FOCAD: variants seen among roughly 807,000 people sequenced by gnomAD.
FOCAD encodes focadhesin, also known as KIAA1797.
Under a neutral mutation model 225.6 loss-of-function variants are expected in FOCAD, and 198 were observed. The ratio of observed to expected loss-of-function variants is 0.88; its 90% CI spans 0.78 to 0.99. The LOEUF is 0.99. Ranked by LOEUF, FOCAD falls within the 50% of genes least tolerant of loss-of-function variation. The pLI is 0.00. For missense variants in FOCAD, 2,713 were observed against 2,123.6 expected, an observed-to-expected ratio of 1.28 and a Z score of -5.46; for synonymous variants, 897 against 755.0, an observed-to-expected ratio of 1.19 and a Z score of -3.08.
chr9:20,970,001 T>TG (rs2132533019), intron 35 of FOCAD, among the ~76,000 whole-genome samples: 1 of 151,760 alleles, frequency 6.6e-6, no homozygotes, highest in East Asian at 1.9e-4. Flanking sequence ...GTTTTTTTTT[T>TG]TTCTTTCAGT....
At chr9:20,963,872 C>T (rs1197424106) in intron 35 of FOCAD, among the ~76,000 whole-genome samples, 1 of 152,122 alleles carries the variant, frequency 6.6e-6, no homozygotes, top group Non-Finnish European at 1.5e-5. Flanking sequence ...AGTTATTACA[C>T]CTGATTTTGC....
At chr9:20,925,229 T>C (rs1269365141) in intron 25 of FOCAD, among the ~76,000 whole-genome samples, 1 of 152,254 alleles carries the variant, frequency 6.6e-6, no homozygotes, top group East Asian at 1.9e-4. Context: ...CCATGGAATA[T>C]TTTAGCAGAG....
At chr9:20,817,641 A>G (rs908605641) in intron 11 of FOCAD, among the ~76,000 whole-genome samples, 5 of 141,680 alleles carry the variant, frequency 3.5e-5, no homozygotes, top group African/African-American at 1.3e-4. Context: ...AGATCATATA[A>G]CATGAGGCCT....
intron 23 of FOCAD, 112 bp downstream of exon 23, chr9:20,913,066 C>T (rs1833572079): frequency 1.9e-5 from 13 of 686,030 alleles, no homozygotes; most frequent in Non-Finnish European, 2.4e-6. Context: ...TATATGTGAG[C>T]CTGAAGGGGA....
chr9:20,871,489 G>C (rs570208544), intron 18 of FOCAD, among the ~76,000 whole-genome samples: 1 of 151,486 alleles, frequency 6.6e-6, no homozygotes, highest in Non-Finnish European at 1.5e-5. Flanking sequence ...AGTTTTACTC[G>C]CATTGACCTT....
chr9:20,784,634 T>C (rs1220390336), intron 10 of FOCAD, among the ~76,000 whole-genome samples: 1 of 152,218 alleles, frequency 6.6e-6, no homozygotes, highest in Non-Finnish European at 1.5e-5. Flanking sequence ...TTGACTGAGC[T>C]GGGGTCTACC....
intron 28 of FOCAD, among the ~76,000 whole-genome samples, chr9:20,943,479 T>C (rs1430656469): frequency 6.6e-6 from 1 of 152,160 alleles, no homozygotes; most frequent in Non-Finnish European, 1.5e-5. Context: ...GTATTGGCCG[T>C]GCTCTGCTGG....
intron 43 of FOCAD, among the ~76,000 whole-genome samples, chr9:20,995,077 T>A (rs1304968931): frequency 6.6e-6 from 1 of 152,176 alleles, no homozygotes; most frequent in African/African-American, 2.4e-5. Context: ...GGGACAGATG[T>A]TCAGATATAC....
intron 11 of FOCAD, among the ~76,000 whole-genome samples, chr9:20,799,299 G>GGT (rs950753572): frequency 2.2e-4 from 33 of 152,302 alleles, no homozygotes; most frequent in African/African-American, 7.7e-4. Context: ...GGTGTGGTGT[G>GGT]GTGCTGAAAA....
intron 26 of FOCAD, among the ~76,000 whole-genome samples, chr9:20,926,812 A>G (rs1834998003): frequency 2.0e-5 from 3 of 151,576 alleles, no homozygotes; most frequent in Non-Finnish European, 4.4e-5. Flanking sequence ...AAGAAAAAAA[A>G]AAGAAATCCA....
chr9:20,732,608 G>C (rs1177899251), intron 4 of FOCAD, among the ~76,000 whole-genome samples: 1 of 152,086 alleles, frequency 6.6e-6, no homozygotes, highest in Non-Finnish European at 1.5e-5. Flanking sequence ...TTTATCTAGC[G>C]GGTGTTAGTG....
At chr9:20,695,056 T>C (rs917421152) in intron 1 of FOCAD, among the ~76,000 whole-genome samples, 1 of 152,246 alleles carries the variant, frequency 6.6e-6, no homozygotes, top group African/African-American at 2.4e-5. Context: ...TACTTTGTCC[T>C]GTAAAGTGTC....
chr9:20,821,742 C>T (rs1163746924), intron 14 of FOCAD, among the ~76,000 whole-genome samples: 1 of 151,710 alleles, frequency 6.6e-6, no homozygotes, highest in Non-Finnish European at 1.5e-5. Context: ...AACTGTAGTC[C>T]TGCAGTTTCA....
chr9:20,733,418 C>G (rs1489397278), intron 4 of FOCAD, among the ~76,000 whole-genome samples: 2 of 151,980 alleles, frequency 1.3e-5, no homozygotes, highest in Admixed American at 6.6e-5. Context: ...AGGTTAGTTA[C>G]ATATGTACAC....
At chr9:20,684,141 G>T (rs537334947), upstream of FOCAD, 1 of 152,382 alleles carries the variant, frequency 6.6e-6, no homozygotes, top group Non-Finnish European at 1.5e-5. Context: ...CGCGAGCCGG[G>T]GAGGGCGGGC....
At chr9:20,854,464 A>T (rs1324609758) in intron 15 of FOCAD, among the ~76,000 whole-genome samples, 1 of 151,714 alleles carries the variant, frequency 6.6e-6, no homozygotes, top group Non-Finnish European at 1.5e-5. Context: ...TTTGAGGGAA[A>T]TTAATGACTT....
chr9:20,871,203 CA>C (rs557520356), intron 18 of FOCAD, among the ~76,000 whole-genome samples: 5 of 143,334 alleles, frequency 3.5e-5, no homozygotes, highest in East Asian at 2.0e-4. Context: ...GACTCTGTCT[CA>C]AAAAAAAAAC....
At chr9:20,768,525 C>T (rs1348413337) in intron 7 of FOCAD, among the ~76,000 whole-genome samples, 4 of 151,570 alleles carry the variant, frequency 2.6e-5, no homozygotes, top group African/African-American at 7.3e-5. Context: ...TGTAGTTCTC[C>T]TTGAAGAGGT....
At chr9:20,894,691 T>C (rs899111687) in intron 21 of FOCAD, among the ~76,000 whole-genome samples, 3 of 152,110 alleles carry the variant, frequency 2.0e-5, no homozygotes, top group Non-Finnish European at 4.4e-5. Context: ...TTTTTCATAG[T>C]TGAGTTTTAA....
Sources: allele counts gnomAD v4.1 joint callset (sites outside exome capture counted in the v4.1 genomes callset), GRCh38; gene constraint gnomAD v4.1.1; transcripts MANE v1.5; gene names NCBI Gene and HGNC (gene_info 2026-07-23, HGNC 2026-07-21).